Variants in ERBB4 observed in about 807,000 individuals in gnomAD.
ERBB4 encodes erb-b2 receptor tyrosine kinase 4.
Under a neutral mutation model 158.0 loss-of-function variants are expected in ERBB4, and 42 were observed. That is an observed-to-expected ratio of 0.27 (90% CI 0.21 to 0.34). The LOEUF (loss-of-function observed/expected upper bound fraction) is 0.34, where lower values mean the gene tolerates loss of function less well. Ranked by LOEUF, ERBB4 falls within the 10% of genes least tolerant of loss-of-function variation. ERBB4 has a pLI of 1.00. For missense variants in ERBB4, 1,333 were observed against 1,624.1 expected (o/e 0.82, Z 3.08); for synonymous variants, 583 against 558.7 (o/e 1.04, Z -0.61).
intron 9 of ERBB4, among the ~76,000 whole-genome samples, chr2:211,711,660 G>A (rs763462440): frequency 6.6e-6 from 1 of 152,078 alleles, no homozygotes; most frequent in Non-Finnish European, 1.5e-5. Flanking sequence ...CTTTTTAAAG[G>A]ATATTAATTC....
chr2:211,851,087 C>T (rs534138212), intron 3 of ERBB4, among the ~76,000 whole-genome samples: 3 of 151,832 alleles, frequency 2.0e-5, no homozygotes, highest in Non-Finnish European at 4.4e-5. Flanking sequence ...AACTAACCAG[C>T]CTGCAATAAA....
intron 3 of ERBB4, among the ~76,000 whole-genome samples, chr2:211,905,736 ATGTGTG>A (rs201095879): frequency 5.6e-4 from 50 of 90,060 alleles, no homozygotes; most frequent in Middle Eastern, 5.1e-3. Flanking sequence ...ATGTGTGTGC[ATGTGTG>A]TGTATATATA....
chr2:211,913,789 A>C (rs2079608264), intron 3 of ERBB4, among the ~76,000 whole-genome samples: 1 of 151,810 alleles, frequency 6.6e-6, no homozygotes, highest in Non-Finnish European at 1.5e-5. Context: ...TATGATTTCT[A>C]TTGACTATGA....
chr2:212,197,373 C>T (rs1041919428), intron 1 of ERBB4, among the ~76,000 whole-genome samples: 9 of 152,104 alleles, frequency 5.9e-5, no homozygotes, highest in Non-Finnish European at 1.5e-5. Context: ...AAACTGTTAG[C>T]TTTTAGAACT....
intron 20 of ERBB4, among the ~76,000 whole-genome samples, chr2:211,500,095 G>T (rs1217605296): frequency 6.6e-6 from 1 of 152,090 alleles, no homozygotes. Flanking sequence ...AGATGAAATG[G>T]TCTTTGAAAA....
rs1559703914 is a variant in ERBB4, at chr2:212,191,739, GTTACATATAACACGTGTTATA to G, written c.83-66857_83-66837del. Among the ~76,000 whole-genome samples the G allele has an allele frequency of 4.1e-5, 6 of 144,782 alleles. No individual in the cohort carries two copies. The Admixed American group carries it at 4.2e-4, about 10-fold the overall frequency. The allele number at this position is 144,782 out of a possible 152,430, so 95.0% of individuals were successfully genotyped here. A position where few individuals can be genotyped will look rare whatever the true frequency, so the allele number is the denominator to read the frequency against. ...GTTACATATAACACGTGTTATACAT[GTTACATATAACACGTGTTATA>G]CATGTTATATATAACACGTGTGTTA... On this transcript the variant is annotated intron_variant, in intron 1 of 27. Transcript: ENST00000342788.
At chr2:211,816,369 C>T (rs1480522229) in intron 3 of ERBB4, among the ~76,000 whole-genome samples, 3 of 151,276 alleles carry the variant, frequency 2.0e-5, no homozygotes, top group Non-Finnish European at 4.4e-5. Flanking sequence ...GATGAAACCC[C>T]GTCTCTACTA....
At chr2:212,038,632 T>C (rs537144236) in intron 2 of ERBB4, among the ~76,000 whole-genome samples, 1 of 152,286 alleles carries the variant, frequency 6.6e-6, no homozygotes, top group East Asian at 1.9e-4. Flanking sequence ...AAAATGATTT[T>C]TCTGACCACT....
At chr2:212,202,637 A>G (rs2082621235) in intron 1 of ERBB4, among the ~76,000 whole-genome samples, 1 of 152,154 alleles carries the variant, frequency 6.6e-6, no homozygotes, top group Non-Finnish European at 1.5e-5. Flanking sequence ...CACCACACAT[A>G]GCCCAAAATA....
intron 26 of ERBB4, 151 bp downstream of exon 26, chr2:211,387,794 C>T (rs1427070227): frequency 2.8e-6 from 2 of 710,856 alleles, no homozygotes; most frequent in Non-Finnish European, 5.2e-6. Context: ...GATAAAAACA[C>T]ATCTACAAAG....
At chr2:211,962,682 G>T (rs759909866) in intron 2 of ERBB4, among the ~76,000 whole-genome samples, 2 of 152,128 alleles carry the variant, frequency 1.3e-5, no homozygotes, top group African/African-American at 4.8e-5. Context: ...CAAGAGATGC[G>T]GAAGGCAGTG....
intron 5 of ERBB4, among the ~76,000 whole-genome samples, chr2:211,745,732 A>AAC (rs1553623616): frequency 3.6e-5 from 4 of 111,282 alleles, no homozygotes; most frequent in Admixed American, 1.0e-4. Context: ...AACAAAAACA[A>AAC]AACAAAAAAA....
intron 20 of ERBB4, among the ~76,000 whole-genome samples, chr2:211,506,896 C>CA (rs1416613507): frequency 6.6e-6 from 1 of 151,542 alleles, no homozygotes; most frequent in Non-Finnish European, 1.5e-5. Flanking sequence ...AGATTGAGAC[C>CA]AAAAAAATCA....
chr2:212,055,076 C>T (rs1338620802), intron 2 of ERBB4, among the ~76,000 whole-genome samples: 3 of 152,094 alleles, frequency 2.0e-5, no homozygotes, highest in Admixed American at 6.5e-5. Flanking sequence ...ACGGATGGCA[C>T]CTGGAAAATC....
chr2:211,664,706 A>G (rs1166955492), intron 15 of ERBB4, among the ~76,000 whole-genome samples: 2 of 151,780 alleles, frequency 1.3e-5, no homozygotes, highest in African/African-American at 4.8e-5. Flanking sequence ...AAAGAGAAAA[A>G]AAATTTACCA....
chr2:212,364,383 T>G (rs1330997101), intron 1 of ERBB4, among the ~76,000 whole-genome samples: 2 of 151,648 alleles, frequency 1.3e-5, no homozygotes, highest in African/African-American at 4.8e-5. Context: ...CTACCGCTAA[T>G]AAAGAATTCT....
intron 12 of ERBB4, among the ~76,000 whole-genome samples, chr2:211,679,577 C>T (rs2072251080): frequency 6.6e-6 from 1 of 151,606 alleles, no homozygotes; most frequent in Admixed American, 6.6e-5. Context: ...AAATAGAAAA[C>T]AATATTGTCC....
At chr2:211,422,287 A>G (rs2063529281) in intron 23 of ERBB4, among the ~76,000 whole-genome samples, 183 bp from the exon 24 acceptor site, 1 of 151,956 alleles carries the variant, frequency 6.6e-6, no homozygotes, top group African/African-American at 2.4e-5. Context: ...CTCTTTGTTG[A>G]TATTCATAAC....
intron 1 of ERBB4, among the ~76,000 whole-genome samples, chr2:212,450,127 T>A (rs1284489740): frequency 1.3e-5 from 2 of 152,126 alleles, no homozygotes; most frequent in Non-Finnish European, 2.9e-5. Context: ...AACCAGAATT[T>A]TATTTCAAAC....
Sources: gnomAD v4.1 joint callset for allele counts (sites outside exome capture counted in the v4.1 genomes callset) on GRCh38, gnomAD v4.1.1 for gene constraint, MANE v1.5 for transcripts, NCBI Gene and HGNC (gene_info 2026-07-23, HGNC 2026-07-21) for gene names.